Variants in WASF3 observed in about 807,000 individuals in gnomAD.
WASF3 encodes the protein WASP family member 3, also known as actin-binding protein WASF3.
Under a neutral mutation model 46.6 loss-of-function variants are expected in WASF3, and 11 were observed. That is an observed-to-expected ratio of 0.24 (90% confidence interval 0.15 to 0.39). The LOEUF (loss-of-function observed/expected upper bound fraction) is 0.39. Among genes scored for constraint, WASF3 ranks in the 10% least tolerant of loss-of-function variants. The pLI, the probability that WASF3 is intolerant of heterozygous loss-of-function variation, is 1.00. For missense variants in WASF3, 576 were observed against 669.8 expected (o/e 0.86, Z 1.55); for synonymous variants, 242 against 259.7 (o/e 0.93, Z 0.65).
upstream of WASF3, among the ~76,000 whole-genome samples, chr13:26,557,498 C>T (rs937532357): frequency 2.2e-5 from 3 of 138,036 alleles, no homozygotes; most frequent in African/African-American, 5.4e-5. Flanking sequence ...TGAGAGCCAC[C>T]GCCTCCGCAA....
intron 1 of WASF3, among the ~76,000 whole-genome samples, chr13:26,607,925 C>G (rs770087279): frequency 6.6e-6 from 1 of 152,136 alleles, no homozygotes. Context: ...CATGAGCCAC[C>G]GTACCCAGCT....
chr13:26,653,331 G>A (rs1320902416), intron 3 of WASF3, among the ~76,000 whole-genome samples: 3 of 152,110 alleles, frequency 2.0e-5, no homozygotes, highest in Non-Finnish European at 4.4e-5. Flanking sequence ...GTAAATTTCA[G>A]ATCATCCTCT....
At chr13:26,637,761 G>A (rs1227664501) in intron 2 of WASF3, among the ~76,000 whole-genome samples, 3 of 152,060 alleles carry the variant, frequency 2.0e-5, no homozygotes, top group South Asian at 2.1e-4. Flanking sequence ...TTTAGCAATC[G>A]AGCCATGACC....
At chr13:26,568,101 C>G (rs1187351636) in intron 1 of WASF3, among the ~76,000 whole-genome samples, 1 of 151,964 alleles carries the variant, frequency 6.6e-6, no homozygotes, top group African/African-American at 2.4e-5. Flanking sequence ...ATTAAAGGGC[C>G]AGATTGTGTA....
At chr13:26,549,592 G>A in the WASF3 span, among the ~76,000 whole-genome samples, 1 of 152,064 alleles carries the variant, frequency 6.6e-6, no homozygotes, top group Admixed American at 6.5e-5. Context: ...AGTGTTCTTG[G>A]ATTTGTAAAA....
At chr13:26,573,067 G>C (rs1045138387) in intron 1 of WASF3, among the ~76,000 whole-genome samples, 3 of 152,168 alleles carry the variant, frequency 2.0e-5, no homozygotes, top group Non-Finnish European at 4.4e-5. Context: ...TATCTGGTTT[G>C]TATAGGTTTG....
chr13:26,621,916 A>C (rs1881318251), intron 2 of WASF3, among the ~76,000 whole-genome samples: 1 of 152,160 alleles, frequency 6.6e-6, no homozygotes, highest in South Asian at 2.1e-4. Flanking sequence ...CTTGTCCTTC[A>C]AAATGAGAAG....
chr13:26,588,489 A>G (rs1458743345), intron 1 of WASF3, among the ~76,000 whole-genome samples: 3 of 152,214 alleles, frequency 2.0e-5, no homozygotes, highest in Non-Finnish European at 4.4e-5. Context: ...AGGTTGGGGT[A>G]AGAGATTAAA....
chr13:26,615,189 G>A (rs917689761), intron 2 of WASF3, among the ~76,000 whole-genome samples: 22 of 151,890 alleles, frequency 1.4e-4, no homozygotes, highest in Admixed American at 1.3e-3. Flanking sequence ...GCTAACAGTC[G>A]ACTTATTTTT....
chr13:26,633,337 G>A (rs1252435403), intron 2 of WASF3, among the ~76,000 whole-genome samples: 1 of 151,182 alleles, frequency 6.6e-6, no homozygotes, highest in Non-Finnish European at 1.5e-5. Context: ...CGAGTAGCTG[G>A]GATTACAGGC....
the WASF3 span, among the ~76,000 whole-genome samples, chr13:26,541,426 A>C: frequency 6.6e-6 from 1 of 152,192 alleles, no homozygotes; most frequent in African/African-American, 2.4e-5. Flanking sequence ...ATGAGATAAG[A>C]CTATTTTATG....
the WASF3 span, among the ~76,000 whole-genome samples, chr13:26,550,624 T>C: frequency 6.6e-6 from 1 of 152,210 alleles, no homozygotes; most frequent in Non-Finnish European, 1.5e-5. Context: ...GCCATCCCCC[T>C]TCCTCCCAAG....
At chr13:26,569,793 C>T (rs1343248969) in intron 1 of WASF3, among the ~76,000 whole-genome samples, 1 of 151,938 alleles carries the variant, frequency 6.6e-6, no homozygotes, top group East Asian at 1.9e-4. Context: ...TGATATCAAT[C>T]AATTTGGTGA....
the WASF3 span, among the ~76,000 whole-genome samples, chr13:26,545,818 C>T: frequency 1.8e-4 from 27 of 152,232 alleles, 1 homozygote; most frequent in African/African-American, 5.8e-4. Flanking sequence ...TGCCCAAGTT[C>T]GTCTCAAATT....
chr13:26,554,243 T>C (rs114998425), upstream of WASF3, among the ~76,000 whole-genome samples: 956 of 151,892 alleles, frequency 6.3e-3, 16 homozygotes, highest in African/African-American at 0.022. Flanking sequence ...ACTCCTGCCT[T>C]AGCCTCCTTC....
At chr13:26,575,217 C>T (rs984585978) in intron 1 of WASF3, among the ~76,000 whole-genome samples, 4 of 152,110 alleles carry the variant, frequency 2.6e-5, no homozygotes, top group Non-Finnish European at 4.4e-5. Flanking sequence ...CATCTGTTCA[C>T]GATACAATCA....
chr13:26,679,949 C>A lies in WASF3; in HGVS notation c.717-1105C>A. 6.7e-7 allele frequency: 1 copy of A among 1,488,784 alleles called. No individual in the cohort carries two copies. 92.2% of individuals were successfully genotyped at this position (1,488,784 alleles called of 1,614,324 possible). ...ATGGTGCCCCAGTTAAGAAAAGCTA[C>A]CAACTGGAATCCCAAAGATGGAAAT... On this transcript the variant is annotated intron_variant, in intron 7 of 9. Coordinates refer to ENST00000335327, the MANE Select transcript of WASF3 (RefSeq NM_006646.6). The surrounding 1 kb of genome is among the most constrained non-coding windows in gnomAD (Gnocchi z 4.8).
chr13:26,681,548 C>T (rs140110787), intron 8 of WASF3, among the ~76,000 whole-genome samples: 1 of 152,300 alleles, frequency 6.6e-6, no homozygotes, highest in Non-Finnish European at 1.5e-5. Context: ...TGTGTGTTCC[C>T]TCACACACAC....
chr13:26,628,226 A>C (rs1881533673), intron 2 of WASF3, among the ~76,000 whole-genome samples: 1 of 152,212 alleles, frequency 6.6e-6, no homozygotes, highest in South Asian at 2.1e-4. Flanking sequence ...GTAAGAAAAC[A>C]AAACAAACAA....
Sources: allele counts gnomAD v4.1 joint callset (sites outside exome capture counted in the v4.1 genomes callset), GRCh38; gene constraint gnomAD v4.1.1; non-coding constraint Gnocchi (gnomAD v3.1); transcripts MANE v1.5; gene names NCBI Gene and HGNC (gene_info 2026-07-23, HGNC 2026-07-21).